BICD1: variants seen among roughly 807,000 people sequenced by gnomAD.
The protein encoded by BICD1 is protein bicaudal D homolog 1.
BICD1 carries 35 observed loss-of-function variants against 92.5 expected under a neutral mutation model. The ratio of observed to expected loss-of-function variants is 0.38; its 90% CI spans 0.29 to 0.50. BICD1 has a LOEUF of 0.50. Ranked by LOEUF, BICD1 falls within the 20% of genes least tolerant of loss-of-function variation. The pLI is 0.93. For synonymous variants in BICD1, 429 were observed against 465.1 expected, an observed-to-expected ratio of 0.92 and a Z score of 1.00; for missense variants, 950 against 1,189.8, an observed-to-expected ratio of 0.80 and a Z score of 2.97.
chr12:32,211,397 C>T (rs1388121109), intron 1 of BICD1, among the ~76,000 whole-genome samples: 2 of 152,242 alleles, frequency 1.3e-5, no homozygotes, highest in Admixed American at 6.5e-5. Flanking sequence ...TGGATATTTG[C>T]AATTTCAATT....
At chr12:32,272,523 C>T (rs1375168064) in intron 2 of BICD1, among the ~76,000 whole-genome samples, 3 of 152,164 alleles carry the variant, frequency 2.0e-5, no homozygotes, top group African/African-American at 7.2e-5. Flanking sequence ...TATCTTGTCT[C>T]CTGCTAAATC....
chr12:32,346,611 TAC>T (rs1491471750), intron 8 of BICD1, among the ~76,000 whole-genome samples: 4 of 3,944 alleles, frequency 1.0e-3, no homozygotes, highest in African/African-American at 2.1e-3. Context: ...TATATATATA[TAC>T]GTGTATATAT....
intron 1 of BICD1, among the ~76,000 whole-genome samples, chr12:32,179,724 C>T (rs1411260285): frequency 2.6e-5 from 4 of 151,926 alleles, no homozygotes; most frequent in Non-Finnish European, 2.9e-5. Flanking sequence ...GGTGCAATGG[C>T]TCATGCCTGT....
At chr12:32,306,536 C>T (rs9738821) in intron 4 of BICD1, among the ~76,000 whole-genome samples, 1 of 152,020 alleles carries the variant, frequency 6.6e-6, no homozygotes, top group Non-Finnish European at 1.5e-5. Flanking sequence ...AGCCACCGCG[C>T]CCAGCCCCAG....
At chr12:32,187,614 G>A (rs1944454618) in intron 1 of BICD1, among the ~76,000 whole-genome samples, 1 of 152,126 alleles carries the variant, frequency 6.6e-6, no homozygotes, top group African/African-American at 2.4e-5. Flanking sequence ...GGAGGTTGCA[G>A]TGAGCCAAGA....
At chr12:32,303,551 A>G (rs890511568) in intron 3 of BICD1, among the ~76,000 whole-genome samples, 13 of 152,150 alleles carry the variant, frequency 8.5e-5, no homozygotes, top group African/African-American at 2.9e-4. Context: ...CCAGCCAATG[A>G]TATATAACAA....
At chr12:32,116,510 C>CTATATATATATATATA (rs370907481) in intron 1 of BICD1, among the ~76,000 whole-genome samples, 23 of 104,396 alleles carry the variant, frequency 2.2e-4, no homozygotes, top group South Asian at 6.7e-4. Flanking sequence ...CTCTCTCTCT[C>CTATATATATATATATA]TATATATATA....
Position 32,266,718 on chromosome 12 carries a change from C to T in BICD1, c.427-27276C>T, listed in dbSNP as rs559459105. The stretch of plus-strand genomic sequence containing the variant: ...CCAAAAATATAAAAAAATAGCCAGG[C>T]GTGGTGGTGCATGCCTATAATCCCA... On this transcript the variant is annotated intron_variant, in intron 2 of 9. Transcript: ENST00000652176. Among the ~76,000 whole-genome samples the T allele has an allele frequency of 4.6e-5, 7 of 152,002 alleles. No homozygotes were observed. In the South Asian group the frequency reaches 6.3e-4, roughly 14 times the overall value.
At chr12:32,331,944 ATGTT>A (rs1490735546) in intron 5 of BICD1, among the ~76,000 whole-genome samples, 2 of 152,216 alleles carry the variant, frequency 1.3e-5, no homozygotes, top group Non-Finnish European at 2.9e-5. Context: ...ACATTGTGAA[ATGTT>A]TGTTTTTAAG....
intron 1 of BICD1, chr12:32,109,377 G>A (rs905141404): frequency 6.6e-6 from 1 of 152,158 alleles, no homozygotes; most frequent in African/African-American, 2.4e-5. Context: ...AAGAAAATTA[G>A]GATGTATAGG....
chr12:32,265,631 C>T (rs1946973159), intron 2 of BICD1, among the ~76,000 whole-genome samples: 1 of 149,322 alleles, frequency 6.7e-6, no homozygotes, highest in African/African-American at 2.5e-5. Context: ...GCAGGATGAT[C>T]AATCCCTTGA....
At chr12:32,229,882 A>G (rs1323200459) in intron 2 of BICD1, among the ~76,000 whole-genome samples, 4 of 152,216 alleles carry the variant, frequency 2.6e-5, no homozygotes, top group African/African-American at 9.6e-5. Context: ...AGAAGGAAAG[A>G]GAAGAAAGCC....
intron 1 of BICD1, among the ~76,000 whole-genome samples, chr12:32,178,693 A>G (rs955566096): frequency 1.3e-5 from 2 of 152,044 alleles, no homozygotes; most frequent in South Asian, 2.1e-4. Context: ...TGGATGGACC[A>G]TAGAAGCAGG....
Position 32,112,856 on chromosome 12 carries a change from A to G in BICD1, c.213+5312A>G, listed in dbSNP as rs572462332. On this transcript the variant is annotated intron_variant, in intron 1 of 9. Coordinates refer to ENST00000652176, the MANE Select transcript of BICD1 (RefSeq NM_001714.4). ...TACTGATAAGAAGATAATAAAAATA[A>G]TAAAGCATTGACTTAGGTACAAGGC... is the stretch of plus-strand genomic sequence containing the variant. 3.3e-5 allele frequency among the ~76,000 whole-genome samples: 5 copies of G among 152,366 alleles called. No individual in the cohort carries two copies. The East Asian group carries it at 9.6e-4, about 29-fold the overall frequency.
chr12:32,296,458 C>T (rs1016416385), intron 3 of BICD1, among the ~76,000 whole-genome samples: 3 of 151,686 alleles, frequency 2.0e-5, no homozygotes, highest in East Asian at 2.0e-4. Context: ...GGGGTTTCAA[C>T]GTGTTAGCCA....
At chr12:32,299,627 GC>G (rs1433600911) in intron 3 of BICD1, among the ~76,000 whole-genome samples, 1 of 152,102 alleles carries the variant, frequency 6.6e-6, no homozygotes, top group Non-Finnish European at 1.5e-5. Context: ...ACTTTAGGAG[GC>G]CAAGTCACGA....
chr12:32,222,021 A>G (rs936348179), intron 2 of BICD1, among the ~76,000 whole-genome samples: 1 of 152,226 alleles, frequency 6.6e-6, no homozygotes, highest in East Asian at 1.9e-4. Context: ...TTTATACTAA[A>G]CTAAACTAAA....
At chr12:32,317,901 A>G (rs1948547932) in intron 4 of BICD1, among the ~76,000 whole-genome samples, 1 of 152,212 alleles carries the variant, frequency 6.6e-6, no homozygotes, top group East Asian at 1.9e-4. Flanking sequence ...AGGTGTAAGG[A>G]AGGGATCCAG....
chr12:32,165,398 C>T (rs972395064), intron 1 of BICD1, among the ~76,000 whole-genome samples: 3 of 152,120 alleles, frequency 2.0e-5, no homozygotes, highest in African/African-American at 7.2e-5. Context: ...CGCTTGTAGT[C>T]CCAGCTACTC....
Sources: allele counts gnomAD v4.1 joint callset (sites outside exome capture counted in the v4.1 genomes callset), GRCh38; gene constraint gnomAD v4.1.1; transcripts MANE v1.5; gene names NCBI Gene and HGNC (gene_info 2026-07-23, HGNC 2026-07-21).